The following CCNT1 variants were observed in gnomAD, a reference collection of about 807,000 sequenced individuals.
The protein encoded by CCNT1 is cyclin-T1.
Under a neutral mutation model 67.3 loss-of-function variants are expected in CCNT1, and 18 were observed. The observed-to-expected ratio is 0.27, with a 90% CI of 0.18 to 0.40. The LOEUF (loss-of-function observed/expected upper bound fraction) is 0.40. Among genes scored for constraint, CCNT1 ranks in the 10% least tolerant of loss-of-function variants. CCNT1 has a pLI of 1.00. For missense variants in CCNT1, 744 were observed against 884.9 expected, an observed-to-expected ratio of 0.84 and a Z score of 2.02; for synonymous variants, 333 against 310.3, an observed-to-expected ratio of 1.07 and a Z score of -0.77.
At position 48,693,015 on chromosome 12, in the gene CCNT1, C is replaced by A; in HGVS notation, c.*18G>T. The A allele has an allele frequency of 1.4e-6, 2 of 1,457,874 alleles. No homozygotes were observed. Among genetic ancestry groups the A allele is most frequent in the South Asian group, 1.4e-5 (1 of 73,166 alleles). 90.3% of individuals were successfully genotyped at this position (1,457,874 alleles called of 1,614,324 possible). ...TGTTTTTTTAAAGAAGTTTTTTTCT[C>A]CTCTTCTTTTTCTTTTTTTACTTAG... On this transcript the variant is annotated 3_prime_UTR_variant, in exon 9 of 9. Transcript: ENST00000261900.
Position 48,692,412 on chromosome 12 carries a change from GAA to G in CCNT1, c.*619_*620del, listed in dbSNP as rs1383578662. ...CACTTACATACACACTTAAAAGTCT[GAA>G]AAAAGTGGCCTGAGCCTATTTCAGA... On this transcript the variant is annotated 3_prime_UTR_variant, in exon 9 of 9. Transcript: ENST00000261900. The G allele has an allele frequency of 6.6e-6, 1 of 152,040 alleles. No individual in the cohort carries two copies. The highest frequency in any genetic ancestry group is 2.1e-4 in the South Asian group (1 of 4,814). 9.4% of individuals were successfully genotyped at this position (152,040 alleles called of 1,614,324 possible). A position where few individuals can be genotyped will look rare whatever the true frequency, so the allele number is the denominator to read the frequency against.
chr12:48,692,258 T>C lies in CCNT1; in HGVS notation c.*775A>G, dbSNP rs1452669068. The stretch of plus-strand genomic sequence containing the variant: ...AAATACCATGTCAAATACATGCCTC[T>C]TCCTTTATGTTCTCAAGGCCAACCA... On this transcript the variant is annotated 3_prime_UTR_variant, in exon 9 of 9. Coordinates refer to ENST00000261900, the MANE Select transcript of CCNT1 (RefSeq NM_001240.4). The C allele has an allele frequency of 6.6e-6, 1 of 152,218 alleles. No homozygotes were observed. The highest frequency in any genetic ancestry group is 1.5e-5 in the Non-Finnish European group (1 of 68,034). The allele number at this position is 152,218 out of a possible 1,614,324, so 9.4% of individuals were successfully genotyped here.
In CCNT1 at chr12:48,689,705, CACAGATAT is replaced by C. The variant is rs1390923281; in HGVS notation, c.*3320_*3327del. 5.3e-5 allele frequency: 8 copies of C among 152,128 alleles called. No homozygotes were observed. The highest frequency in any genetic ancestry group is 1.7e-4 in the African/African-American group (7 of 41,430). The allele number at this position is 152,128 out of a possible 1,614,324, so 9.4% of individuals were successfully genotyped here. A position where few individuals can be genotyped will look rare whatever the true frequency, so the allele number is the denominator to read the frequency against. The stretch of plus-strand genomic sequence containing the variant: ...TAATCAGTTCCCAAAATAACGGAAA[CACAGATAT>C]GTTTAAAATCCAACCATACTGGGAT... On this transcript the variant is annotated 3_prime_UTR_variant, in exon 9 of 9. Coordinates refer to ENST00000261900, the MANE Select transcript of CCNT1 (RefSeq NM_001240.4).
At chr12:48,716,440 C>T (rs11168699) in intron 1 of CCNT1, 75 bp downstream of exon 1, 3 of 1,402,056 alleles carry the variant, frequency 2.1e-6, no homozygotes, top group East Asian at 2.4e-5. Context: ...TCGTCCCCCC[C>T]ACAGAGCCTG....
At chr12:48,704,347 G>A (rs1049061688) in intron 3 of CCNT1, among the ~76,000 whole-genome samples, 5 of 152,228 alleles carry the variant, frequency 3.3e-5, no homozygotes, top group African/African-American at 1.2e-4. Flanking sequence ...CCTGAGCACT[G>A]CCTCTTGTCT....
Position 48,692,582 on chromosome 12 carries a change from ATAAC to A in CCNT1, c.*447_*450del, listed in dbSNP as rs1197322041. The A allele has an allele frequency of 6.4e-6, 1 of 156,926 alleles. No homozygotes were observed. Among genetic ancestry groups the A allele is most frequent in the Non-Finnish European group, 1.4e-5 (1 of 70,748 alleles). The allele number at this position is 156,926 out of a possible 1,614,324, so 9.7% of individuals were successfully genotyped here. ...CCAATTATATAAAAAAACTAAACAG[ATAAC>A]TTACTTTCTTTAAATTATTAAGTCT... On this transcript the variant is annotated 3_prime_UTR_variant, in exon 9 of 9. Coordinates refer to ENST00000261900, the MANE Select transcript of CCNT1 (RefSeq NM_001240.4).
intron 3 of CCNT1, among the ~76,000 whole-genome samples, chr12:48,705,281 T>TTTGTTGTTG (rs60219074): frequency 1.7e-4 from 25 of 150,954 alleles, no homozygotes; most frequent in South Asian, 6.3e-4. Flanking sequence ...CCAGTTGTTT[T>TTTGTTGTTG]TTGTTGTTGT....
intron 1 of CCNT1, among the ~76,000 whole-genome samples, chr12:48,714,854 C>T (rs1940510123): frequency 6.6e-6 from 1 of 152,154 alleles, no homozygotes; most frequent in Non-Finnish European, 1.5e-5. Context: ...ACTCTGTCGC[C>T]CACACTGGAG....
rs191827760 is a variant in CCNT1, at chr12:48,689,686, G to T, written c.*3347C>A. 11 of 152,240 alleles carry T rather than the reference G, an allele frequency of 7.2e-5. No homozygotes were observed. The highest frequency in any genetic ancestry group is 2.6e-4 in the African/African-American group (11 of 41,548). The allele number at this position is 152,240 out of a possible 1,614,324, so 9.4% of individuals were successfully genotyped here. ...CAAAAAAAATTGTAAATATTAATCAGTTCCCAAAATAACGGAAACACAGAT... is the reference window on the plus strand; with the variant it reads ...CAAAAAAAATTGTAAATATTAATCATTTCCCAAAATAACGGAAACACAGAT... On this transcript the variant is annotated 3_prime_UTR_variant, in exon 9 of 9. Transcript: ENST00000261900.
intron 2 of CCNT1, among the ~76,000 whole-genome samples, chr12:48,711,645 C>T (rs1462768449): frequency 2.0e-5 from 3 of 152,090 alleles, no homozygotes; most frequent in Non-Finnish European, 4.4e-5. Context: ...TATCAGATAG[C>T]CTCGTTAAAT....
chr12:48,701,154 G>A, intron 3 of CCNT1, 81 bp from the exon 4 acceptor site: 1 of 714,236 alleles, frequency 1.4e-6, no homozygotes, highest in Non-Finnish European at 2.3e-6. Flanking sequence ...CCCTTCCAGG[G>A]AAACCAAAAC....
chr12:48,710,525 C>A (rs1436919848), intron 2 of CCNT1, among the ~76,000 whole-genome samples: 1 of 152,112 alleles, frequency 6.6e-6, no homozygotes, highest in Non-Finnish European at 1.5e-5. Context: ...CCCATGCCTG[C>A]AATCCCAGCA....
rs565786737 is a variant in CCNT1 at position 48,699,183 on chromosome 12, C to T, written c.496+595G>A. Among the ~76,000 whole-genome samples, 192 of 152,162 alleles carry T rather than the reference C, an allele frequency of 1.3e-3. 1 individual carries two copies. Among genetic ancestry groups the T allele is most frequent in the African/African-American group, 4.1e-3 (172 of 41,510 alleles). ...CCTTGTGCAATATAACATTTTAATA[C>T]TTTCAAATATAAAGAACTCAGGAAA... On this transcript the variant is annotated intron_variant, in intron 5 of 8. Transcript: ENST00000261900.
At chr12:48,706,696 G>C (rs901443117) in intron 2 of CCNT1, among the ~76,000 whole-genome samples, 8 of 152,120 alleles carry the variant, frequency 5.3e-5, no homozygotes, top group African/African-American at 1.9e-4. Flanking sequence ...GTAATGCTAA[G>C]AGCTGTATTT....
chr12:48,707,288 C>CTTT (rs779298084), intron 2 of CCNT1, among the ~76,000 whole-genome samples: 2 of 133,292 alleles, frequency 1.5e-5, no homozygotes, highest in Non-Finnish European at 3.2e-5. Context: ...TTTTTTCTTT[C>CTTT]TTTTTTTTTT....
At chr12:48,711,299 G>C (rs1345468596) in intron 2 of CCNT1, among the ~76,000 whole-genome samples, 1 of 151,930 alleles carries the variant, frequency 6.6e-6, no homozygotes, top group Non-Finnish European at 1.5e-5. Flanking sequence ...AGAATCGCTT[G>C]AACCTGGGAG....
In CCNT1 at chr12:48,714,543, G is replaced by C. The variant is rs1459237234; in HGVS notation, c.162-19C>G. 26 of 1,544,066 alleles carry C rather than the reference G, an allele frequency of 1.7e-5. No individual in the cohort carries two copies. Among genetic ancestry groups the C allele is most frequent in the Non-Finnish European group, 2.1e-5 (23 of 1,117,010 alleles). On this transcript the variant is annotated intron_variant, in intron 1 of 8. Transcript: ENST00000261900. ...TTGTGAGCTGAAGTGTTCAAGTTAAGATCCAAAAACAGGCAGGTATAATTC... is the reference window on the plus strand; with the variant it reads ...TTGTGAGCTGAAGTGTTCAAGTTAACATCCAAAAACAGGCAGGTATAATTC...
chr12:48,697,534 A>AAAAAAAAAAAAAAAAAATATATATATAT (rs1288926072), intron 6 of CCNT1, among the ~76,000 whole-genome samples: 1 of 130,710 alleles, frequency 7.7e-6, no homozygotes, highest in African/African-American at 3.0e-5. Flanking sequence ...AAAAAAAAAA[A>AAAAAAAAAAAAAAAAAATATATATATAT]ATATATATAT....
intron 3 of CCNT1, among the ~76,000 whole-genome samples, chr12:48,704,278 G>A (rs1388482392): frequency 6.6e-6 from 1 of 152,192 alleles, no homozygotes; most frequent in Non-Finnish European, 1.5e-5. Context: ...TGAGCAGCAG[G>A]TACGAGTGAG....
Sources: gnomAD v4.1 joint callset for allele counts (sites outside exome capture counted in the v4.1 genomes callset) on GRCh38, gnomAD v4.1.1 for gene constraint, MANE v1.5 for transcripts, NCBI Gene and HGNC (gene_info 2026-07-23, HGNC 2026-07-21) for gene names.